The following F10 variants were observed in gnomAD, a reference collection of about 807,000 sequenced individuals.
The protein encoded by F10 is Stuart-Prower factor.
F10 carries 29 observed loss-of-function variants against 37.1 expected under a neutral mutation model. The ratio of observed to expected loss-of-function variants is 0.78; its 90% CI spans 0.58 to 1.07. The LOEUF (loss-of-function observed/expected upper bound fraction) is 1.07. F10 is among the 50% of genes least tolerant of loss of function. The probability of loss-of-function intolerance (pLI) is 0.00; values close to 1 mark genes in which losing one functional copy is unlikely to be tolerated. For synonymous variants in F10, 262 were observed against 268.6 expected, an observed-to-expected ratio of 0.98 and a Z score of 0.24; for missense variants, 539 against 667.9, an observed-to-expected ratio of 0.81 and a Z score of 2.13.
chr13:113,148,389 T>TAC (rs1428511904), intron 7 of F10, among the ~76,000 whole-genome samples: 2 of 18,862 alleles, frequency 1.1e-4, no homozygotes, highest in African/African-American at 1.6e-4. Flanking sequence ...TATATATATA[T>TAC]ACATATATAT....
In F10 at chr13:113,139,459, A is replaced by G; in HGVS notation, c.359A>G (p.Asn120Ser). The change falls in exon 4 of 8, where the codon AAC (asparagine) becomes AGC (serine). Residue 120 changes from asparagine (N) to serine (S), a missense_variant. Asn to Ser is a conservative substitution (Grantham distance 46). Around this residue, in one of 2 missense-constraint regions of F10, gnomAD observed 409 missense variants for 547.9 expected, o/e 0.75. Transcript: ENST00000375559. The surrounding 1 kb of genome is among the most constrained non-coding windows in gnomAD (Gnocchi z 5.2). ...TGTTTAGAAGGATTCGAAGGCAAAA[A>G]CTGTGAATTATGTAGGTTCCTCTGC... is the stretch of plus-strand genomic sequence containing the variant. ...CTCLEGFEGK[N>S]CELFTRKLCS... The G allele has an allele frequency of 1.2e-6, 2 of 1,613,556 alleles. No individual in the cohort carries two copies. The highest frequency in any genetic ancestry group is 1.7e-6 in the Non-Finnish European group (2 of 1,179,570).
rs965167171 is a variant in F10, at chr13:113,144,617, A to AT, written c.747+529dup. On this transcript the variant is annotated intron_variant, in intron 6 of 7. Transcript: ENST00000375559. The surrounding 1 kb of genome is among the most constrained non-coding windows in gnomAD (Gnocchi z 6.4). ...TCCTCGCTTCATTTCTAATTTTGGA[A>AT]TTTTTTTACCCAAACACCTAAATCC... is the stretch of plus-strand genomic sequence containing the variant. 1.3e-5 allele frequency among the ~76,000 whole-genome samples: 2 copies of AT among 152,228 alleles called. No homozygotes were observed. The highest frequency in any genetic ancestry group is 2.9e-5 in the Non-Finnish European group (2 of 68,042).
At chr13:113,126,951 C>T (rs913554548) in intron 1 of F10, among the ~76,000 whole-genome samples, 1 of 152,136 alleles carries the variant, frequency 6.6e-6, no homozygotes, top group Non-Finnish European at 1.5e-5. Context: ...CATTTCAGAG[C>T]AAGTGTGTGG....
chr13:113,131,006 A>G (rs923860390), intron 2 of F10: 1 of 152,344 alleles, frequency 6.6e-6, no homozygotes, highest in South Asian at 2.1e-4. Context: ...AGGAGACCCA[A>G]TATTATTTGA....
intron 5 of F10, among the ~76,000 whole-genome samples, chr13:113,142,029 G>C (rs2036533069): frequency 6.6e-6 from 1 of 152,160 alleles, no homozygotes; most frequent in Non-Finnish European, 1.5e-5. Flanking sequence ...TACTTCCAAA[G>C]ATGAGTGATC....
In F10 at chr13:113,143,702, T is replaced by TATGATGTGTAGATCTC; in HGVS notation, c.503-149_503-148insATGATGTGTAGATCTC. The TATGATGTGTAGATCTC allele has an allele frequency of 8.7e-7, 1 of 1,153,646 alleles. No homozygotes were observed. The highest frequency in any genetic ancestry group is 1.2e-6 in the Non-Finnish European group (1 of 841,148). 71.5% of individuals were successfully genotyped at this position (1,153,646 alleles called of 1,614,324 possible). ...GCAGATCCGACCCCTGCCGACGACG[T>TATGATGTGTAGATCTC]GGGGCCTCGCCCTGCAAGCCCGCTG... On this transcript the variant is annotated intron_variant, in intron 5 of 7. Coordinates refer to ENST00000375559, the MANE Select transcript of F10 (RefSeq NM_000504.4). This position sits in a 1 kb window ranked among gnomAD's most constrained non-coding sequence, Gnocchi z 6.8.
Position 113,148,915 on chromosome 13 carries a change from G to T in F10, c.866-1G>T. 6.2e-7 allele frequency: 1 copy of T among 1,613,296 alleles called. No homozygotes were observed. Among genetic ancestry groups the T allele is most frequent in the Non-Finnish European group, 8.5e-7 (1 of 1,179,818 alleles). On this transcript the variant is annotated splice_acceptor_variant, in intron 7 of 7. Coordinates refer to ENST00000375559, the MANE Select transcript of F10 (RefSeq NM_000504.4). LOFTEE classifies it high-confidence loss of function. ...AGCACAGTCCCACTCGTCTGTCCCA[G>T]GGGACCGGAACACGGAGCAGGAGGA...
Position 113,143,852 on chromosome 13 carries a change from G to T in F10, c.504G>T (p.Gly168=). Residue 168 remains glycine, a splice_region_variant and synonymous_variant, in exon 6 of 8, where the codon GGG becomes GGT. Coordinates refer to ENST00000375559, the MANE Select transcript of F10 (RefSeq NM_000504.4). This position sits in a 1 kb window ranked among gnomAD's most constrained non-coding sequence, Gnocchi z 6.8. ...ADNGKACIPT[G]PYPCGKQTLE... is the part of the protein sequence containing the mutation. ...CCCCGGCCGTCCTCTTTCTTTCAGG[G>T]CCCTACCCCTGTGGGAAACAGACCC... is the stretch of plus-strand genomic sequence containing the variant. 3 of 1,612,244 alleles carry T rather than the reference G, an allele frequency of 1.9e-6. No homozygotes were observed. Among genetic ancestry groups the T allele is most frequent in the Non-Finnish European group, 2.5e-6 (3 of 1,179,990 alleles).
At chr13:113,137,511 G>A (rs957049481) in intron 2 of F10, among the ~76,000 whole-genome samples, 11 of 152,132 alleles carry the variant, frequency 7.2e-5, no homozygotes, top group Non-Finnish European at 1.3e-4. Flanking sequence ...AAGTAAAAAA[G>A]TAAGAAGATA....
At chr13:113,122,964 AG>A in intron 1 of F10, 39 bp downstream of exon 1, 1 of 1,600,664 alleles carries the variant, frequency 6.2e-7, no homozygotes. Flanking sequence ...AAGCAGCGCC[AG>A]GGAGCAGGGA....
chr13:113,136,463 T>A (rs1595091857), intron 2 of F10, among the ~76,000 whole-genome samples: 6 of 149,904 alleles, frequency 4.0e-5, no homozygotes, highest in South Asian at 2.1e-4. Flanking sequence ...TTTTTTTTTT[T>A]AATTTTTATT....
intron 4 of F10, 110 bp from the exon 5 acceptor site, chr13:113,140,809 C>A (rs1490698550): frequency 1.9e-6 from 3 of 1,551,126 alleles, no homozygotes; most frequent in Non-Finnish European, 2.7e-6. Flanking sequence ...TTGCTCAACC[C>A]AATGGCCGCT....
At chr13:113,140,350 G>A (rs1365984903) in intron 4 of F10, among the ~76,000 whole-genome samples, 1 of 152,002 alleles carries the variant, frequency 6.6e-6, no homozygotes, top group Non-Finnish European at 1.5e-5. Context: ...CAAAGTGCTG[G>A]GATTACAGGC....
At chr13:113,148,789 A>C in intron 7 of F10, 127 bp from the exon 8 acceptor site, 2 of 1,480,988 alleles carry the variant, frequency 1.4e-6, no homozygotes, top group Non-Finnish European at 1.8e-6. Flanking sequence ...TCTATTTTTC[A>C]AATTTTCAAA....
Position 113,129,452 on chromosome 13 carries a change from T to C in F10, c.71T>C (p.Leu24Pro), listed in dbSNP as rs372382600. 3.7e-6 allele frequency: 6 copies of C among 1,613,616 alleles called. No homozygotes were observed. The highest frequency in any genetic ancestry group is 1.3e-5 in the African/African-American group (1 of 74,990). ...LAGLLLLGESLFIRREQANNI... is the reference protein window; with the variant it reads ...LAGLLLLGESPFIRREQANNI... ...TAACCCTGTCCTCCCTGCCTTCCAG[T>C]GTTCATCCGCAGGGAGCAGGCCAAC... The change falls in exon 2 of 8, where the codon CTG (leucine) becomes CCG (proline). Residue 24 changes from leucine (L) to proline (P), a missense_variant and splice_region_variant. Physicochemically the swap from Leu to Pro is moderately conservative, Grantham distance 98. This residue lies in a region of F10 where 130 missense variants were observed against 120.0 expected (regional missense o/e 1.08). Transcript: ENST00000375559.
chr13:113,144,006 T>G lies in F10; in HGVS notation c.658T>G (p.Phe220Val). Reference sequence around the variant, plus strand: ...CGAGAACCCCTTCGACCTGCTTGACTTCAACCAGACGCAGCCTGAGAGGGG... The same window carrying G: ...CGAGAACCCCTTCGACCTGCTTGACGTCAACCAGACGCAGCCTGAGAGGGG... ...PTENPFDLLDFNQTQPERGDN... is the reference protein window; with the variant it reads ...PTENPFDLLDVNQTQPERGDN... Residue 220 changes from phenylalanine (F) to valine (V), a missense_variant, in exon 6 of 8, where the codon TTC becomes GTC. By Grantham distance (50) the Phe-to-Val change is conservative (BLOSUM62 -1). Transcript: ENST00000375559. This position sits in a 1 kb window ranked among gnomAD's most constrained non-coding sequence, Gnocchi z 6.4. 1 of 1,612,508 alleles carries G rather than the reference T, an allele frequency of 6.2e-7. No individual in the cohort carries two copies. Among genetic ancestry groups the G allele is most frequent in the Non-Finnish European group, 8.5e-7 (1 of 1,179,798 alleles).
At chr13:113,123,044 G>T in intron 1 of F10, 119 bp downstream of exon 1, 1 of 1,211,606 alleles carries the variant, frequency 8.3e-7, no homozygotes, top group Non-Finnish European at 1.2e-6. Context: ...TGCTGCCAGA[G>T]GCTGGGCTCG....
In F10 at chr13:113,143,723, C is replaced by G. The variant is rs926952767; in HGVS notation, c.503-128C>G. On this transcript the variant is annotated intron_variant, in intron 5 of 7. Coordinates refer to ENST00000375559, the MANE Select transcript of F10 (RefSeq NM_000504.4). The surrounding 1 kb of genome is among the most constrained non-coding windows in gnomAD (Gnocchi z 6.8). ...GACGTGGGGCCTCGCCCTGCAAGCC[C>G]GCTGCCCCTCCGGGTGCCCCTGCGC... The G allele has an allele frequency of 6.4e-6, 9 of 1,401,534 alleles. No individual in the cohort carries two copies. The highest frequency in any genetic ancestry group is 8.7e-6 in the Non-Finnish European group (9 of 1,038,064). 86.8% of individuals were successfully genotyped at this position (1,401,534 alleles called of 1,614,324 possible).
chr13:113,127,642 CTCAG>C (rs1176415834), intron 1 of F10, among the ~76,000 whole-genome samples: 1 of 152,104 alleles, frequency 6.6e-6, no homozygotes, highest in Non-Finnish European at 1.5e-5. Context: ...ATGAAATCAA[CTCAG>C]TATTTTTTTT....
Sources: gnomAD v4.1 joint callset for allele counts (sites outside exome capture counted in the v4.1 genomes callset) on GRCh38, gnomAD v4.1.1 for gene constraint, gnomAD v4.1.1 regional missense constraint, Gnocchi (gnomAD v3.1) non-coding constraint, MANE v1.5 for transcripts, NCBI Gene and HGNC (gene_info 2026-07-23, HGNC 2026-07-21) for gene names.